The following ZFHX3 variants were observed in gnomAD, a reference collection of about 807,000 sequenced individuals.
ZFHX3 encodes zinc finger homeobox 3.
In ZFHX3, 42 loss-of-function variants were observed where a neutral mutation model predicts 279.1. The ratio of observed to expected loss-of-function variants is 0.15; its 90% CI spans 0.12 to 0.19. ZFHX3 has a LOEUF of 0.19. Ranked by LOEUF, ZFHX3 falls within the 10% of genes least tolerant of loss-of-function variation. The probability of loss-of-function intolerance (pLI) is 1.00; values close to 1 mark genes in which losing one functional copy is unlikely to be tolerated. For synonymous variants in ZFHX3, 2,293 were observed against 1,957.8 expected (o/e 1.17, Z -4.52); for missense variants, 4,981 against 4,754.0 (o/e 1.05, Z -1.40).
chr16:73,073,822 G>A (rs556257060), intron 8 of ZFHX3, among the ~76,000 whole-genome samples: 15 of 152,194 alleles, frequency 9.9e-5, no homozygotes, highest in Admixed American at 2.6e-4. Flanking sequence ...TTGAGACATC[G>A]TTAGGTAGAT....
chr16:72,812,444 C>T (rs2036485413), intron 5 of ZFHX3, among the ~76,000 whole-genome samples: 1 of 152,174 alleles, frequency 6.6e-6, no homozygotes, highest in Non-Finnish European at 1.5e-5. Context: ...ACATGCTCTG[C>T]TTCAGAAATG....
At chr16:73,454,636 A>T (rs2018339714) in intron 3 of ZFHX3, among the ~76,000 whole-genome samples, 1 of 150,458 alleles carries the variant, frequency 6.6e-6, no homozygotes, top group African/African-American at 2.4e-5. Context: ...TTCACTCCCC[A>T]GTCCATTCTA....
chr16:73,279,889 T>C (rs1882560282), intron 4 of ZFHX3, among the ~76,000 whole-genome samples: 1 of 152,208 alleles, frequency 6.6e-6, no homozygotes, highest in Non-Finnish European at 1.5e-5. Flanking sequence ...TGATAACAAC[T>C]ATGCACGACA....
intron 2 of ZFHX3, among the ~76,000 whole-genome samples, chr16:73,671,429 C>A (rs1484161396): frequency 6.6e-6 from 1 of 152,182 alleles, no homozygotes; most frequent in African/African-American, 2.4e-5. Context: ...AAAGATGAAC[C>A]ATCACCACCT....
rs2016188479 is a variant in ZFHX3 at position 73,349,624 on chromosome 16, T to TCCCTTCCTC, written c.-1290-31289_-1290-31288insGAGGAAGGG. Among the ~76,000 whole-genome samples, 7 of 47,558 alleles carry TCCCTTCCTC rather than the reference T, an allele frequency of 1.5e-4. No individual in the cohort carries two copies. The South Asian group carries it at 4.2e-3, about 28-fold the overall frequency. The allele number at this position is 47,558 out of a possible 152,430, so 31.2% of individuals were successfully genotyped here. A position where few individuals can be genotyped will look rare whatever the true frequency, so the allele number is the denominator to read the frequency against. Reference sequence around the variant, plus strand: ...TCTCTCCCTTACTTCCTCCCTCCCTTCCTCCCTCCCTCCCTCCCTCCCTCT... The same window carrying TCCCTTCCTC: ...TCTCTCCCTTACTTCCTCCCTCCCTTCCCTTCCTCCCTCCCTCCCTCCCTCCCTCCCTCT... On this transcript the variant is annotated intron_variant, in intron 3 of 17. Transcript: ENST00000641206.
At chr16:73,684,695 CT>C (rs201167110) in intron 1 of ZFHX3, among the ~76,000 whole-genome samples, 20,525 of 130,618 alleles carry the variant, frequency 0.16, 850 homozygotes, top group African/African-American at 0.19. Flanking sequence ...CACAAGGGTC[CT>C]TTTTTTTTTT....
At chr16:73,065,870 T>A (rs528808766) in intron 8 of ZFHX3, among the ~76,000 whole-genome samples, 5 of 152,354 alleles carry the variant, frequency 3.3e-5, no homozygotes, top group East Asian at 1.9e-4. Context: ...AGGCAAAAAA[T>A]TTCCGATTCG....
intron 5 of ZFHX3, among the ~76,000 whole-genome samples, chr16:73,181,111 T>C (rs957362595): frequency 1.3e-5 from 2 of 150,846 alleles, no homozygotes; most frequent in African/African-American, 4.9e-5. Context: ...TTTTGTTTTG[T>C]TTTGTTTTGA....
chr16:72,920,809 C>A (rs977556650), intron 3 of ZFHX3, among the ~76,000 whole-genome samples: 2 of 152,022 alleles, frequency 1.3e-5, no homozygotes, highest in Non-Finnish European at 2.9e-5. Flanking sequence ...GTGGCTCATG[C>A]CTGTAATCTC....
intron 1 of ZFHX3, chr16:72,973,715 T>C (rs979855699): frequency 5.3e-5 from 8 of 152,152 alleles, no homozygotes; most frequent in African/African-American, 7.2e-5. Flanking sequence ...CCACTAAAAA[T>C]ACAAAAATTA....
chr16:72,905,678 C>A (rs1362957669), intron 3 of ZFHX3, among the ~76,000 whole-genome samples: 1 of 152,282 alleles, frequency 6.6e-6, no homozygotes, highest in East Asian at 1.9e-4. Context: ...GAATGTGGTA[C>A]ATATTTTAGT....
rs151287807 is a variant in ZFHX3, at chr16:72,925,986, C to A, written c.3216+24483G>T. On this transcript the variant is annotated intron_variant, in intron 3 of 9. Transcript: ENST00000268489. ...CCCAAGAGTTAACTTATAATTATTACAATAGAGAGGAAGCAGGTAACTGAG... is the reference window on the plus strand; with the variant it reads ...CCCAAGAGTTAACTTATAATTATTAAAATAGAGAGGAAGCAGGTAACTGAG... Among the ~76,000 whole-genome samples, 1,491 of 152,204 alleles carry A rather than the reference C, an allele frequency of 9.8e-3. 11 individuals carry two copies. Among genetic ancestry groups the A allele is most frequent in the Admixed American group, 0.015 (237 of 15,294 alleles).
At chr16:73,262,014 C>T (rs544222698) in intron 4 of ZFHX3, among the ~76,000 whole-genome samples, 6 of 152,064 alleles carry the variant, frequency 3.9e-5, no homozygotes, top group Admixed American at 6.5e-5. Flanking sequence ...ATCTGTAATA[C>T]GGTATAATAA....
chr16:73,354,657 G>A (rs4889111), intron 3 of ZFHX3, among the ~76,000 whole-genome samples: 70,601 of 152,030 alleles, frequency 0.46, 19,812 homozygotes, highest in Non-Finnish European at 0.62. Context: ...GAATTTTCCC[G>A]CTTTCAGTGT....
At chr16:73,449,123 A>G (rs2018241480) in intron 3 of ZFHX3, among the ~76,000 whole-genome samples, 2 of 152,236 alleles carry the variant, frequency 1.3e-5, no homozygotes, top group South Asian at 4.1e-4. Flanking sequence ...CTGTGCAGTT[A>G]AAGGACAGTA....
At chr16:73,032,947 C>T (rs1422050780) in intron 1 of ZFHX3, among the ~76,000 whole-genome samples, 4 of 152,196 alleles carry the variant, frequency 2.6e-5, no homozygotes, top group Non-Finnish European at 4.4e-5. Flanking sequence ...GGGTTTCAGG[C>T]AGGGCTGCGG....
At chr16:73,231,600 G>C (rs756804060) in intron 5 of ZFHX3, among the ~76,000 whole-genome samples, 5 of 152,214 alleles carry the variant, frequency 3.3e-5, no homozygotes, top group Non-Finnish European at 7.3e-5. Flanking sequence ...CGTTCCAGCT[G>C]AGAGCGTGAA....
At chr16:73,266,823 G>C (rs977330581) in intron 4 of ZFHX3, among the ~76,000 whole-genome samples, 1 of 152,210 alleles carries the variant, frequency 6.6e-6, no homozygotes, top group African/African-American at 2.4e-5. Flanking sequence ...CATAAGATAG[G>C]GCTTTCGCCT....
chr16:73,616,738 C>A (rs2052306634), intron 2 of ZFHX3, among the ~76,000 whole-genome samples: 1 of 152,106 alleles, frequency 6.6e-6, no homozygotes, highest in African/African-American at 2.4e-5. Flanking sequence ...TTAGCAAATT[C>A]TTTCGAAAGA....
Sources: allele counts gnomAD v4.1 joint callset (sites outside exome capture counted in the v4.1 genomes callset), GRCh38; gene constraint gnomAD v4.1.1; transcripts MANE v1.5; gene names NCBI Gene and HGNC (gene_info 2026-07-23, HGNC 2026-07-21).